EXOC6B: variants seen among roughly 807,000 people sequenced by gnomAD.
EXOC6B encodes the protein SEC15 homolog B.
EXOC6B carries 54 observed loss-of-function variants against 113.5 expected under a neutral mutation model. That is an observed-to-expected ratio of 0.48 (90% confidence interval 0.38 to 0.60). The LOEUF (loss-of-function observed/expected upper bound fraction) is 0.60, where lower values mean the gene tolerates loss of function less well. EXOC6B is among the 20% of genes least tolerant of loss of function. EXOC6B has a pLI of 0.00. For synonymous variants in EXOC6B, 357 were observed against 339.0 expected, an observed-to-expected ratio of 1.05 and a Z score of -0.58; for missense variants, 797 against 977.5, an observed-to-expected ratio of 0.82 and a Z score of 2.46.
At chr2:72,574,094 C>T (rs1439966887) in intron 7 of EXOC6B, among the ~76,000 whole-genome samples, 2 of 132,960 alleles carry the variant, frequency 1.5e-5, no homozygotes, top group African/African-American at 2.9e-5. Flanking sequence ...CCAGCCTGGG[C>T]GACAGAGACT....
chr2:72,351,472 A>G (rs981815642), intron 19 of EXOC6B, among the ~76,000 whole-genome samples: 8 of 152,168 alleles, frequency 5.3e-5, no homozygotes, highest in African/African-American at 1.9e-4. Context: ...TCTTCCATTC[A>G]TTCCTCAACT....
chr2:72,607,428 T>C (rs1468043591), intron 6 of EXOC6B, among the ~76,000 whole-genome samples: 1 of 152,210 alleles, frequency 6.6e-6, no homozygotes, highest in Non-Finnish European at 1.5e-5. Context: ...TTATACATTA[T>C]ACAGTCTGTG....
At position 72,412,033 on chromosome 2, in the gene EXOC6B, C is replaced by T. The variant is rs74316697; in HGVS notation, c.1981-32163G>A. 1.2e-4 allele frequency among the ~76,000 whole-genome samples: 18 copies of T among 152,052 alleles called. No homozygotes were observed. The East Asian group carries it at 2.1e-3, about 18-fold the overall frequency. ...ACACATATGAAAAAGAACCAAACAG[C>T]GCTTCTGGAAATATACTATCATTGA... is the stretch of plus-strand genomic sequence containing the variant. On this transcript the variant is annotated intron_variant, in intron 18 of 21. Transcript: ENST00000272427.
intron 18 of EXOC6B, among the ~76,000 whole-genome samples, chr2:72,418,732 A>AT (rs1271219785): frequency 6.6e-6 from 1 of 152,128 alleles, no homozygotes; most frequent in Non-Finnish European, 1.5e-5. Context: ...TAGATAGCCC[A>AT]TAATTGGACC....
At chr2:72,482,062 C>T (rs745909636) in intron 16 of EXOC6B, among the ~76,000 whole-genome samples, 5 of 152,132 alleles carry the variant, frequency 3.3e-5, no homozygotes, top group Non-Finnish European at 5.9e-5. Flanking sequence ...ACTAATACTA[C>T]GTCCTGTACC....
At chr2:72,602,879 T>C (rs1000043378) in intron 6 of EXOC6B, among the ~76,000 whole-genome samples, 3 of 152,186 alleles carry the variant, frequency 2.0e-5, no homozygotes, top group African/African-American at 7.2e-5. Flanking sequence ...CAGCCATCAA[T>C]GTCTAAAAAT....
At chr2:72,416,378 G>A (rs1302745538) in intron 18 of EXOC6B, among the ~76,000 whole-genome samples, 1 of 152,112 alleles carries the variant, frequency 6.6e-6, no homozygotes, top group Non-Finnish European at 1.5e-5. Flanking sequence ...ATCCAAATGT[G>A]GTGCGTTTTA....
At chr2:72,769,332 ATGT>A (rs1342556599) in intron 1 of EXOC6B, among the ~76,000 whole-genome samples, 1 of 152,186 alleles carries the variant, frequency 6.6e-6, no homozygotes, top group South Asian at 2.1e-4. Flanking sequence ...AATAAGGATA[ATGT>A]TGTGTGGGAA....
rs1342682526 is a variant in EXOC6B, at chr2:72,799,258, A to C, written c.113+26540T>G. 2.9e-4 allele frequency among the ~76,000 whole-genome samples: 44 copies of C among 149,484 alleles called. 1 individual carries two copies. Among genetic ancestry groups the C allele is most frequent in the Admixed American group, 8.7e-4 (13 of 15,002 alleles). ...CTGTCTCAAAAAAAAAAAAAAAAAA[A>C]AAACAAACATAAAATAATAAAATAA... On this transcript the variant is annotated intron_variant, in intron 1 of 21. Coordinates refer to ENST00000272427, the MANE Select transcript of EXOC6B (RefSeq NM_015189.3).
chr2:72,367,832 A>G (rs1690731882), intron 19 of EXOC6B, among the ~76,000 whole-genome samples: 1 of 152,142 alleles, frequency 6.6e-6, no homozygotes, highest in African/African-American at 2.4e-5. Context: ...GAACCCACAC[A>G]TGGAGGGAAC....
chr2:72,224,246 T>C (rs1681057728), intron 20 of EXOC6B, among the ~76,000 whole-genome samples: 1 of 152,106 alleles, frequency 6.6e-6, no homozygotes, highest in Non-Finnish European at 1.5e-5. Flanking sequence ...CTCTGCAAGG[T>C]TTTGGTAAAA....
At chr2:72,226,101 C>T (rs1189228440) in intron 20 of EXOC6B, among the ~76,000 whole-genome samples, 1 of 151,908 alleles carries the variant, frequency 6.6e-6, no homozygotes, top group African/African-American at 2.4e-5. Context: ...TGTAAAACAA[C>T]CATTTGCTGG....
At chr2:72,722,666 T>C (rs1025500505) in intron 5 of EXOC6B, among the ~76,000 whole-genome samples, 1 of 152,202 alleles carries the variant, frequency 6.6e-6, no homozygotes, top group Non-Finnish European at 1.5e-5. Context: ...GTAAACAGAA[T>C]GGTGTTTATA....
Position 72,629,113 on chromosome 2 carries a change from A to G in EXOC6B, c.670-53445T>C, listed in dbSNP as rs566158664. ...ACATCTTTAGTCCTTCATATGCAGT[A>G]GTATCTTGTTAGAATGCTATTCTAT... is the stretch of plus-strand genomic sequence containing the variant. On this transcript the variant is annotated intron_variant, in intron 6 of 21. Coordinates refer to ENST00000272427, the MANE Select transcript of EXOC6B (RefSeq NM_015189.3). Among the ~76,000 whole-genome samples, 127 of 152,330 alleles carry G rather than the reference A, an allele frequency of 8.3e-4. 1 individual carries two copies. The Middle Eastern group carries it at 0.017, about 20-fold the overall frequency.
intron 6 of EXOC6B, among the ~76,000 whole-genome samples, chr2:72,645,463 C>T (rs572610232): frequency 1.3e-5 from 2 of 152,322 alleles, no homozygotes; most frequent in African/African-American, 2.4e-5. Context: ...ACAGAACTCT[C>T]CACCCCAAAT....
At chr2:72,602,597 T>C (rs769592879) in intron 6 of EXOC6B, among the ~76,000 whole-genome samples, 2 of 152,194 alleles carry the variant, frequency 1.3e-5, no homozygotes, top group Non-Finnish European at 2.9e-5. Context: ...CAATCTGATA[T>C]AAATTTTAAT....
chr2:72,314,444 A>C (rs909911916), intron 20 of EXOC6B, among the ~76,000 whole-genome samples: 3 of 152,204 alleles, frequency 2.0e-5, no homozygotes, highest in African/African-American at 7.2e-5. Context: ...ATTTCTTGAT[A>C]ATCTGGTTTT....
At chr2:72,259,610 T>C (rs1452525022) in intron 20 of EXOC6B, among the ~76,000 whole-genome samples, 1 of 152,204 alleles carries the variant, frequency 6.6e-6, no homozygotes, top group Non-Finnish European at 1.5e-5. Flanking sequence ...CCAAACCATT[T>C]TCCACAGTAG....
chr2:72,185,754 TAATTATAC>T (rs1678385608), intron 20 of EXOC6B, among the ~76,000 whole-genome samples: 1 of 150,760 alleles, frequency 6.6e-6, no homozygotes, highest in Non-Finnish European at 1.5e-5. Flanking sequence ...TTTTTTTTTT[TAATTATAC>T]TTTAAGTTCT....
Sources: gnomAD v4.1 joint callset for allele counts (sites outside exome capture counted in the v4.1 genomes callset) on GRCh38, gnomAD v4.1.1 for gene constraint, MANE v1.5 for transcripts, NCBI Gene and HGNC (gene_info 2026-07-23, HGNC 2026-07-21) for gene names.